The following LINGO2 variants were observed in gnomAD, a reference collection of about 807,000 sequenced individuals.
LINGO2 encodes leucine-rich repeat and immunoglobulin-like domain-containing nogo receptor-interacting protein 2.
In LINGO2, 14 loss-of-function variants were observed where a neutral mutation model predicts 30.6. The observed-to-expected ratio is 0.46, with a 90% CI of 0.30 to 0.72. The LOEUF is 0.72. Ranked by LOEUF, LINGO2 falls within the 30% of genes least tolerant of loss-of-function variation. The pLI is 0.07. For synonymous variants in LINGO2, 317 were observed against 288.5 expected (o/e 1.10, Z -1.00); for missense variants, 729 against 751.7 (o/e 0.97, Z 0.35).
At chr9:29,012,847 C>T in the LINGO2 span, among the ~76,000 whole-genome samples, 548 of 152,082 alleles carry the variant, frequency 3.6e-3, 4 homozygotes, top group Non-Finnish European at 4.4e-3. Flanking sequence ...TTAAATCTAC[C>T]CATTAGTAGA....
intron 4 of LINGO2, among the ~76,000 whole-genome samples, chr9:28,203,810 T>G (rs1235902089): frequency 6.6e-6 from 1 of 152,136 alleles, no homozygotes; most frequent in Non-Finnish European, 1.5e-5. Context: ...GGGTATTTGG[T>G]GGAATACTAT....
the LINGO2 span, among the ~76,000 whole-genome samples, chr9:29,133,202 G>T: frequency 1.3e-5 from 2 of 151,958 alleles, no homozygotes; most frequent in African/African-American, 2.4e-5. Flanking sequence ...CACAATACTG[G>T]TCACTTTTTC....
chr9:28,924,910 T>C, the LINGO2 span, among the ~76,000 whole-genome samples: 16 of 152,222 alleles, frequency 1.1e-4, no homozygotes, highest in African/African-American at 3.4e-4. Context: ...GATATAAAGA[T>C]AGCCACCCCT....
intron 4 of LINGO2, among the ~76,000 whole-genome samples, chr9:28,173,805 T>C (rs1708397481): frequency 6.6e-6 from 1 of 152,224 alleles, no homozygotes; most frequent in Non-Finnish European, 1.5e-5. Context: ...CTGTGCCTGT[T>C]AGGTTTTATC....
At chr9:28,305,514 A>G (rs1183836059) in intron 3 of LINGO2, among the ~76,000 whole-genome samples, 1 of 152,108 alleles carries the variant, frequency 6.6e-6, no homozygotes, top group Non-Finnish European at 1.5e-5. Flanking sequence ...GGATTTAGTA[A>G]GGCTACAGAA....
At chr9:28,934,049 G>A in the LINGO2 span, among the ~76,000 whole-genome samples, 3 of 152,184 alleles carry the variant, frequency 2.0e-5, no homozygotes, top group African/African-American at 7.2e-5. Flanking sequence ...GGTGAGGACT[G>A]GTAGGAGTGT....
intron 5 of LINGO2, among the ~76,000 whole-genome samples, chr9:27,986,813 G>A (rs959973283): frequency 5.9e-5 from 9 of 151,846 alleles, no homozygotes; most frequent in African/African-American, 2.2e-4. Flanking sequence ...CTGGCCAAAC[G>A]AGCTGGAGAA....
intron 4 of LINGO2, among the ~76,000 whole-genome samples, chr9:28,252,700 A>C (rs1822247725): frequency 6.6e-6 from 1 of 152,036 alleles, no homozygotes; most frequent in African/African-American, 2.4e-5. Context: ...AGAAAATATT[A>C]CCCTATAAAG....
chr9:28,179,459 G>C (rs1327359450), intron 4 of LINGO2, among the ~76,000 whole-genome samples: 6 of 133,902 alleles, frequency 4.5e-5, no homozygotes, highest in Admixed American at 1.6e-4. Context: ...ATATACTATA[G>C]TGTATATATA....
chr9:29,185,042 G>C, the LINGO2 span, among the ~76,000 whole-genome samples: 1 of 152,078 alleles, frequency 6.6e-6, no homozygotes, highest in Non-Finnish European at 1.5e-5. Flanking sequence ...GTTCAGCTGG[G>C]AAGTCCCAAT....
the LINGO2 span, among the ~76,000 whole-genome samples, chr9:28,685,977 A>ATG: frequency 0.066 from 9,638 of 145,554 alleles, 437 homozygotes; most frequent in African/African-American, 0.13. Context: ...AACATATATG[A>ATG]TGTGTGTGTG....
intron 3 of LINGO2, among the ~76,000 whole-genome samples, chr9:28,298,020 T>C (rs926885795): frequency 4.9e-4 from 74 of 152,196 alleles, no homozygotes; most frequent in Admixed American, 1.6e-3. Flanking sequence ...GCATGTATTC[T>C]CCTTGAAGAG....
intron 1 of LINGO2, among the ~76,000 whole-genome samples, chr9:28,606,636 T>C (rs1381130577): frequency 1.3e-5 from 2 of 152,012 alleles, no homozygotes; most frequent in Admixed American, 6.6e-5. Context: ...GAGGTAAAAT[T>C]TGTTACTCTT....
chr9:29,145,620 G>A, the LINGO2 span, among the ~76,000 whole-genome samples: 3 of 152,036 alleles, frequency 2.0e-5, no homozygotes, highest in African/African-American at 7.2e-5. Flanking sequence ...ATATTCTCAT[G>A]ACATAGAAAC....
At chr9:28,459,284 CTA>C (rs1587703371) in intron 2 of LINGO2, among the ~76,000 whole-genome samples, 1 of 146,344 alleles carries the variant, frequency 6.8e-6, no homozygotes, top group South Asian at 2.2e-4. Flanking sequence ...AAAAAAAAAA[CTA>C]TGCACATGCT....
At chr9:28,575,343 G>A (rs1351021627) in intron 1 of LINGO2, among the ~76,000 whole-genome samples, 1 of 150,432 alleles carries the variant, frequency 6.6e-6, no homozygotes, top group Non-Finnish European at 1.5e-5. Flanking sequence ...AGGTTGCAGT[G>A]AGCCAAGATT....
rs540921263 is a variant in LINGO2 at position 28,158,036 on chromosome 9, C to T, written c.-87+137172G>A. On this transcript the variant is annotated intron_variant, in intron 4 of 5. Coordinates refer to ENST00000379992, the Ensembl canonical transcript of LINGO2. Reference sequence around the variant, plus strand: ...AGTGTGAAAGTTGCTTCCACATTTTCGGGTATCTTTTCATCAGTGCCTTAC... The same window carrying T: ...AGTGTGAAAGTTGCTTCCACATTTTTGGGTATCTTTTCATCAGTGCCTTAC... Among the ~76,000 whole-genome samples, 11 of 152,258 alleles carry T rather than the reference C, an allele frequency of 7.2e-5. No individual in the cohort carries two copies. The South Asian group carries it at 1.9e-3, about 26-fold the overall frequency.
At chr9:29,124,738 G>A in the LINGO2 span, among the ~76,000 whole-genome samples, 1 of 152,028 alleles carries the variant, frequency 6.6e-6, no homozygotes, top group Non-Finnish European at 1.5e-5. Flanking sequence ...TTAGAATGGC[G>A]ATCATTAAAA....
intron 1 of LINGO2, among the ~76,000 whole-genome samples, chr9:28,630,581 A>G (rs890031983): frequency 2.6e-5 from 4 of 152,120 alleles, no homozygotes; most frequent in African/African-American, 9.7e-5. Flanking sequence ...TATCTATCAG[A>G]CTAACAACAC....
Sources: gnomAD v4.1 joint callset for allele counts (sites outside exome capture counted in the v4.1 genomes callset) on GRCh38, gnomAD v4.1.1 for gene constraint, MANE v1.5 for transcripts, NCBI Gene and HGNC (gene_info 2026-07-23, HGNC 2026-07-21) for gene names.